VIPR2: variants seen among roughly 807,000 people sequenced by gnomAD.
VIPR2 encodes the protein vasoactive intestinal peptide receptor 2, also known as vasoactive intestinal polypeptide receptor 2.
In VIPR2, 48 loss-of-function variants were observed where a neutral mutation model predicts 58.0. That is an observed-to-expected ratio of 0.83 (90% CI 0.66 to 1.05). The LOEUF (loss-of-function observed/expected upper bound fraction) is 1.05. Ranked by LOEUF, VIPR2 falls within the 50% of genes least tolerant of loss-of-function variation. The probability of loss-of-function intolerance (pLI) is 0.00; values close to 1 mark genes in which losing one functional copy is unlikely to be tolerated. For synonymous variants in VIPR2, 243 were observed against 235.2 expected (o/e 1.03, Z -0.30); for missense variants, 534 against 558.0 (o/e 0.96, Z 0.43).
In VIPR2 at chr7:159,097,617, G is replaced by C. The variant is rs185255874; in HGVS notation, c.357+6140C>G. ...TCTGTGCTCTTTCATCAGTGCCCAA[G>C]ATGAAATCCAAATCACCAAGGAGAA... On this transcript the variant is annotated intron_variant, in intron 4 of 12. Transcript: ENST00000262178. This position sits in a 1 kb window ranked among gnomAD's most constrained non-coding sequence, Gnocchi z 5.3. Among the ~76,000 whole-genome samples, 3 of 152,194 alleles carry C rather than the reference G, an allele frequency of 2.0e-5. No individual in the cohort carries two copies. Among genetic ancestry groups the C allele is most frequent in the African/African-American group, 7.2e-5 (3 of 41,434 alleles).
Position 159,031,390 on chromosome 7 carries a change from G to C in VIPR2, c.1143+438C>G, listed in dbSNP as rs1011580295. Reference sequence around the variant, plus strand: ...GCCCGGAGACAGCCTCCCTGGCTGGGAATGAACGCAGGGCAGAGCTCGGCT... The same window carrying C: ...GCCCGGAGACAGCCTCCCTGGCTGGCAATGAACGCAGGGCAGAGCTCGGCT... On this transcript the variant is annotated intron_variant, in intron 12 of 12. Transcript: ENST00000262178. The surrounding 1 kb of genome is among the most constrained non-coding windows in gnomAD (Gnocchi z 4.0). 1.0e-6 allele frequency: 1 copy of C among 972,830 alleles called. No homozygotes were observed. Among genetic ancestry groups the C allele is most frequent in the Middle Eastern group, 5.3e-4 (1 of 1,896 alleles). The allele number at this position is 972,830 out of a possible 1,614,324, so 60.3% of individuals were successfully genotyped here.
chr7:159,036,356 C>T (rs908220136), intron 7 of VIPR2, among the ~76,000 whole-genome samples: 6 of 152,118 alleles, frequency 3.9e-5, no homozygotes, highest in African/African-American at 1.2e-4. Context: ...CTCATCCTGT[C>T]CATGAGGATG....
chr7:159,103,733 C>T (rs1858442517), intron 4 of VIPR2, 24 bp downstream of exon 4: 6 of 1,595,402 alleles, frequency 3.8e-6, no homozygotes, highest in Non-Finnish European at 5.2e-6. Flanking sequence ...AACCTCACCA[C>T]CGTAGCACCA....
Position 159,128,104 on chromosome 7 carries a change from G to A in VIPR2, c.151+14342C>T, listed in dbSNP as rs1236343305. ...AGCCAGGTGAGGACACCTGGTAGTGGTCTCTCCTTCAGGCTCCTGCTGCCT... is the reference window on the plus strand; with the variant it reads ...AGCCAGGTGAGGACACCTGGTAGTGATCTCTCCTTCAGGCTCCTGCTGCCT... On this transcript the variant is annotated intron_variant, in intron 2 of 12. Coordinates refer to ENST00000262178, the MANE Select transcript of VIPR2 (RefSeq NM_003382.5). This position sits in a 1 kb window ranked among gnomAD's most constrained non-coding sequence, Gnocchi z 4.1. Among the ~76,000 whole-genome samples, 2 of 152,162 alleles carry A rather than the reference G, an allele frequency of 1.3e-5. No homozygotes were observed. Among genetic ancestry groups the A allele is most frequent in the East Asian group, 1.9e-4 (1 of 5,182 alleles).
At chr7:159,104,293 C>T (rs919451676) in intron 3 of VIPR2, among the ~76,000 whole-genome samples, 6 of 150,162 alleles carry the variant, frequency 4.0e-5, no homozygotes, top group Non-Finnish European at 1.5e-5. Flanking sequence ...TGACCGGGTA[C>T]CCCGCCTGCT....
Position 159,140,355 on chromosome 7 carries a change from C to T in VIPR2, c.151+2091G>A, listed in dbSNP as rs564886309. Among the ~76,000 whole-genome samples, 269 of 152,290 alleles carry T rather than the reference C, an allele frequency of 1.8e-3. 1 individual carries two copies. Among genetic ancestry groups the T allele is most frequent in the Admixed American group, 2.5e-3 (39 of 15,298 alleles). The stretch of plus-strand genomic sequence containing the variant: ...TGCCTCAGCCTCAGCCTGTAGATTC[C>T]GGTTCACATCGCTGATAGCATCTTT... On this transcript the variant is annotated intron_variant, in intron 2 of 12. Coordinates refer to ENST00000262178, the MANE Select transcript of VIPR2 (RefSeq NM_003382.5).
intron 4 of VIPR2, among the ~76,000 whole-genome samples, chr7:159,084,045 G>A (rs1022179851): frequency 3.9e-5 from 6 of 152,248 alleles, no homozygotes; most frequent in Non-Finnish European, 8.8e-5. Context: ...ATCTCCGTCT[G>A]GGAAACTGCT....
At chr7:159,079,941 CCAA>C (rs1165112143) in intron 4 of VIPR2, among the ~76,000 whole-genome samples, 1 of 152,166 alleles carries the variant, frequency 6.6e-6, no homozygotes, top group Non-Finnish European at 1.5e-5. Context: ...TCTGAATAGG[CCAA>C]CAACAGGCTC....
chr7:159,034,473 G>T, intron 9 of VIPR2, 108 bp downstream of exon 9: 1 of 1,333,296 alleles, frequency 7.5e-7, no homozygotes, highest in Non-Finnish European at 1.1e-6. Flanking sequence ...GGAAGGCTGA[G>T]TGATGCGTGG....
intron 6 of VIPR2, among the ~76,000 whole-genome samples, chr7:159,037,482 G>C (rs953338489): frequency 6.6e-5 from 10 of 152,206 alleles, no homozygotes; most frequent in African/African-American, 2.4e-4. Flanking sequence ...GCAGCGCCTG[G>C]GAAGAGAAAG....
intron 2 of VIPR2, among the ~76,000 whole-genome samples, chr7:159,137,317 G>T (rs1351045967): frequency 6.6e-6 from 1 of 151,430 alleles, no homozygotes; most frequent in Non-Finnish European, 1.5e-5. Context: ...TTTTATTCAG[G>T]GTAAAAATTA....
In VIPR2 at chr7:159,093,141, G is replaced by A. The variant is rs1857598679; in HGVS notation, c.357+10616C>T. On this transcript the variant is annotated intron_variant, in intron 4 of 12. Coordinates refer to ENST00000262178, the MANE Select transcript of VIPR2 (RefSeq NM_003382.5). The surrounding 1 kb of genome is among the most constrained non-coding windows in gnomAD (Gnocchi z 6.7). ...GAGATGTGGTCCTGCGGGGGCTGGT[G>A]GGGGCAGAAGACATTTCCTCAAGAC... is the stretch of plus-strand genomic sequence containing the variant. 1.3e-5 allele frequency among the ~76,000 whole-genome samples: 2 copies of A among 152,166 alleles called. No individual in the cohort carries two copies. Among genetic ancestry groups the A allele is most frequent in the Admixed American group, 6.5e-5 (1 of 15,272 alleles).
At chr7:159,059,090 A>G (rs1855487447) in intron 4 of VIPR2, 4 of 371,906 alleles carry the variant, frequency 1.1e-5, no homozygotes, top group Non-Finnish European at 2.1e-5. Context: ...TTATTTCCTT[A>G]ACATTTCTTG....
At position 159,096,838 on chromosome 7, in the gene VIPR2, G is replaced by A. The variant is rs146019495; in HGVS notation, c.357+6919C>T. 19 of 1,487,668 alleles carry A rather than the reference G, an allele frequency of 1.3e-5. No individual in the cohort carries two copies. The highest frequency in any genetic ancestry group is 1.6e-5 in the Non-Finnish European group (18 of 1,108,860). 92.2% of individuals were successfully genotyped at this position (1,487,668 alleles called of 1,614,324 possible). On this transcript the variant is annotated intron_variant, in intron 4 of 12. Coordinates refer to ENST00000262178, the MANE Select transcript of VIPR2 (RefSeq NM_003382.5). This position sits in a 1 kb window ranked among gnomAD's most constrained non-coding sequence, Gnocchi z 5.5. ...CCCAGCTCTTGTCCCGGCCCACCTCGGGATGCTTCCGCCGTACTGTGTCCA... is the reference window on the plus strand; with the variant it reads ...CCCAGCTCTTGTCCCGGCCCACCTCAGGATGCTTCCGCCGTACTGTGTCCA...
At chr7:159,138,528 C>G (rs1797320032) in intron 2 of VIPR2, among the ~76,000 whole-genome samples, 1 of 152,156 alleles carries the variant, frequency 6.6e-6, no homozygotes, top group South Asian at 2.1e-4. Flanking sequence ...AGTCCATGGA[C>G]CTGGGAGAGA....
At chr7:159,133,550 T>C (rs1014213993) in intron 2 of VIPR2, among the ~76,000 whole-genome samples, 1 of 152,290 alleles carries the variant, frequency 6.6e-6, no homozygotes, top group Admixed American at 6.5e-5. Context: ...TAACTTTATC[T>C]GCCAAGAACA....
Position 159,128,470 on chromosome 7 carries a change from G to A in VIPR2, c.151+13976C>T, listed in dbSNP as rs1796738377. Among the ~76,000 whole-genome samples the A allele has an allele frequency of 6.6e-6, 1 of 152,116 alleles. No individual in the cohort carries two copies. The highest frequency in any genetic ancestry group is 1.5e-5 in the Non-Finnish European group (1 of 68,010). ...GGGCCCCCCTGGCCACTCCCCTCCT[G>A]CCTTGGGCCTCCCACCTGTGTGCTG... On this transcript the variant is annotated intron_variant, in intron 2 of 12. Coordinates refer to ENST00000262178, the MANE Select transcript of VIPR2 (RefSeq NM_003382.5). The surrounding 1 kb of genome is among the most constrained non-coding windows in gnomAD (Gnocchi z 4.1).
In VIPR2 at chr7:159,096,478, A is replaced by G. The variant is rs1857853360; in HGVS notation, c.357+7279T>C. On this transcript the variant is annotated intron_variant, in intron 4 of 12. Coordinates refer to ENST00000262178, the MANE Select transcript of VIPR2 (RefSeq NM_003382.5). The surrounding 1 kb of genome is among the most constrained non-coding windows in gnomAD (Gnocchi z 5.5). The stretch of plus-strand genomic sequence containing the variant: ...GATCATGTGGACCTCTAATTCCTTC[A>G]CCTTCATCTCCCTCCCATTAGGAGA... 6.6e-6 allele frequency among the ~76,000 whole-genome samples: 1 copy of G among 151,830 alleles called. No homozygotes were observed. The highest frequency in any genetic ancestry group is 1.5e-5 in the Non-Finnish European group (1 of 67,954).
At chr7:159,100,626 T>TC (rs1482024581) in intron 4 of VIPR2, among the ~76,000 whole-genome samples, 1 of 152,352 alleles carries the variant, frequency 6.6e-6, no homozygotes, top group Admixed American at 6.5e-5. Flanking sequence ...GAATTGTAGC[T>TC]CCCATAATTC....
Sources: gnomAD v4.1 joint callset for allele counts (sites outside exome capture counted in the v4.1 genomes callset) on GRCh38, gnomAD v4.1.1 for gene constraint, Gnocchi (gnomAD v3.1) non-coding constraint, MANE v1.5 for transcripts, NCBI Gene and HGNC (gene_info 2026-07-23, HGNC 2026-07-21) for gene names.